Variants in GALNT17 observed in about 807,000 individuals in gnomAD.
GALNT17 encodes the protein polypeptide N-acetylgalactosaminyltransferase 17, also known as UDP-GalNAc:polypeptide N-acetylgalactosaminyltransferase-like 3.
GALNT17 carries 29 observed loss-of-function variants against 63.7 expected under a neutral mutation model. That is an observed-to-expected ratio of 0.46 (90% confidence interval 0.34 to 0.62). GALNT17 has a LOEUF of 0.62. GALNT17 is among the 20% of genes least tolerant of loss of function. The pLI is 0.01. For missense variants in GALNT17, 603 were observed against 799.6 expected (o/e 0.75, Z 2.97); for synonymous variants, 305 against 318.3 (o/e 0.96, Z 0.45).
chr7:71,613,771 T>C (rs1790158897), intron 6 of GALNT17, among the ~76,000 whole-genome samples: 1 of 150,580 alleles, frequency 6.6e-6, no homozygotes, highest in Non-Finnish European at 1.5e-5. Flanking sequence ...TTGGGAAACA[T>C]AGCGAGACCC....
At chr7:71,704,215 T>A (rs1430906116) in intron 9 of GALNT17, among the ~76,000 whole-genome samples, 1 of 152,162 alleles carries the variant, frequency 6.6e-6, no homozygotes, top group Non-Finnish European at 1.5e-5. Flanking sequence ...AACACACTAC[T>A]TGCACTGGCA....
rs1261238713 is a variant in GALNT17 at position 71,259,646 on chromosome 7, GT to G, written c.239-75891del. On this transcript the variant is annotated intron_variant, in intron 1 of 10. Transcript: ENST00000333538. ...GTCCTGTTTTGTTTTTTGTTTTTTT[GT>G]TTTTTTTTTTTTGAGACGGAGTCTT... is the stretch of plus-strand genomic sequence containing the variant. Among the ~76,000 whole-genome samples, 103 of 136,434 alleles carry G rather than the reference GT, an allele frequency of 7.5e-4. 2 individuals carry two copies. The highest frequency in any genetic ancestry group is 7.0e-3 in the South Asian group (30 of 4,264). The allele number at this position is 136,434 out of a possible 152,430, so 89.5% of individuals were successfully genotyped here. A position where few individuals can be genotyped will look rare whatever the true frequency, so the allele number is the denominator to read the frequency against.
At chr7:71,221,238 C>A (rs1434842173) in intron 1 of GALNT17, among the ~76,000 whole-genome samples, 2 of 152,184 alleles carry the variant, frequency 1.3e-5, no homozygotes, top group Non-Finnish European at 2.9e-5. Flanking sequence ...AGCATTCTAT[C>A]CATGTTCCCA....
At chr7:71,500,139 C>T (rs1422647466) in intron 5 of GALNT17, among the ~76,000 whole-genome samples, 2 of 152,154 alleles carry the variant, frequency 1.3e-5, no homozygotes, top group Admixed American at 6.6e-5. Flanking sequence ...CTAATACACT[C>T]GTCCATCCCA....
chr7:71,658,457 C>A (rs1209056974), intron 6 of GALNT17, among the ~76,000 whole-genome samples: 1 of 152,154 alleles, frequency 6.6e-6, no homozygotes, highest in African/African-American at 2.4e-5. Context: ...CTTCCATATT[C>A]CAGAGGCCTG....
At chr7:71,339,492 G>A (rs1791970831) in intron 2 of GALNT17, among the ~76,000 whole-genome samples, 1 of 152,268 alleles carries the variant, frequency 6.6e-6, no homozygotes, top group South Asian at 2.1e-4. Flanking sequence ...TTCGAGACTA[G>A]CCTGGCCAAC....
At chr7:71,391,842 A>G (rs1447916728) in intron 3 of GALNT17, among the ~76,000 whole-genome samples, 1 of 152,118 alleles carries the variant, frequency 6.6e-6, no homozygotes, top group Non-Finnish European at 1.5e-5. Flanking sequence ...TGCAGAATGT[A>G]CAAGAACCAT....
In GALNT17 at chr7:71,359,038, A is replaced by G. The variant is rs529641288; in HGVS notation, c.422+23305A>G. 8.5e-5 allele frequency among the ~76,000 whole-genome samples: 13 copies of G among 152,242 alleles called. No homozygotes were observed. The East Asian group carries it at 2.3e-3, about 27-fold the overall frequency. Reference sequence around the variant, plus strand: ...GATCCTCCTGCCTTGGCCTCCCAAAATTCTGGGATTTGCTTCCATTCATTA... The same window carrying G: ...GATCCTCCTGCCTTGGCCTCCCAAAGTTCTGGGATTTGCTTCCATTCATTA... On this transcript the variant is annotated intron_variant, in intron 2 of 10. Coordinates refer to ENST00000333538, the MANE Select transcript of GALNT17 (RefSeq NM_022479.3).
rs562514202 is a variant in GALNT17 at position 71,640,543 on chromosome 7, G to T, written c.1081-24868G>T. 4.6e-5 allele frequency among the ~76,000 whole-genome samples: 7 copies of T among 152,086 alleles called. No homozygotes were observed. The South Asian group carries it at 1.2e-3, about 27-fold the overall frequency. ...TTTATATTACATTCTAGTTGTTGTG[G>T]CTATCTTGAAATACTTAAATATCCT... On this transcript the variant is annotated intron_variant, in intron 6 of 10. Transcript: ENST00000333538.
intron 1 of GALNT17, among the ~76,000 whole-genome samples, chr7:71,256,773 C>T (rs545139993): frequency 6.8e-4 from 103 of 152,224 alleles, no homozygotes; most frequent in African/African-American, 2.4e-3. Flanking sequence ...AATATGGGGC[C>T]GCTCTTTTTG....
intron 1 of GALNT17, among the ~76,000 whole-genome samples, chr7:71,234,657 C>T (rs1003137294): frequency 3.3e-5 from 5 of 152,186 alleles, no homozygotes; most frequent in African/African-American, 9.6e-5. Context: ...AACTGAGCTG[C>T]CTGTCCTGGA....
rs187215602 is a variant in GALNT17 at position 71,178,895 on chromosome 7, C to T, written c.238+45855C>T. The stretch of plus-strand genomic sequence containing the variant: ...TTTAAATGAATTTTTTCCTTGAGTT[C>T]AGATTATATTTTTTCATTTCATCAC... On this transcript the variant is annotated intron_variant, in intron 1 of 10. Coordinates refer to ENST00000333538, the MANE Select transcript of GALNT17 (RefSeq NM_022479.3). 4.1e-3 allele frequency among the ~76,000 whole-genome samples: 629 copies of T among 151,966 alleles called. 6 individuals are homozygous for T. Among genetic ancestry groups the T allele is most frequent in the Non-Finnish European group, 6.5e-3 (439 of 67,964 alleles).
intron 1 of GALNT17, among the ~76,000 whole-genome samples, chr7:71,133,466 G>A (rs1221223310): frequency 2.0e-5 from 3 of 152,106 alleles, no homozygotes; most frequent in Admixed American, 2.0e-4. Context: ...AGATTGGAGG[G>A]CTTGGATGTC....
At chr7:71,598,865 G>T (rs919518487) in intron 6 of GALNT17, among the ~76,000 whole-genome samples, 2 of 151,950 alleles carry the variant, frequency 1.3e-5, no homozygotes, top group African/African-American at 4.8e-5. Context: ...GAAAGAACGG[G>T]GGGGATTGCG....
intron 1 of GALNT17, among the ~76,000 whole-genome samples, chr7:71,316,546 A>T (rs1791504805): frequency 1.3e-5 from 2 of 152,172 alleles, no homozygotes; most frequent in South Asian, 4.1e-4. Flanking sequence ...AAACAAATAG[A>T]TCCCAAAGTA....
chr7:71,605,146 C>CT (rs1428948225), intron 6 of GALNT17, among the ~76,000 whole-genome samples: 19 of 152,260 alleles, frequency 1.2e-4, no homozygotes, highest in South Asian at 6.2e-4. Flanking sequence ...ATTCTTCACC[C>CT]TCAAACTTGG....
At chr7:71,141,643 G>A (rs1347984200) in intron 1 of GALNT17, among the ~76,000 whole-genome samples, 1 of 151,418 alleles carries the variant, frequency 6.6e-6, no homozygotes, top group Non-Finnish European at 1.5e-5. Flanking sequence ...GGCCATGGTA[G>A]GTACTCAGGA....
At chr7:71,310,835 C>T (rs1017907929) in intron 1 of GALNT17, among the ~76,000 whole-genome samples, 9 of 152,160 alleles carry the variant, frequency 5.9e-5, no homozygotes, top group African/African-American at 2.2e-4. Context: ...GGATGGAATG[C>T]CACGCGATGT....
intron 1 of GALNT17, among the ~76,000 whole-genome samples, chr7:71,257,587 A>G (rs554020667): frequency 9.9e-5 from 15 of 152,250 alleles, no homozygotes; most frequent in South Asian, 2.1e-4. Flanking sequence ...CTTCTCCACT[A>G]TTATTTATGG....
Sources: gnomAD v4.1 joint callset for allele counts (sites outside exome capture counted in the v4.1 genomes callset) on GRCh38, gnomAD v4.1.1 for gene constraint, MANE v1.5 for transcripts, NCBI Gene and HGNC (gene_info 2026-07-23, HGNC 2026-07-21) for gene names.